The following IGFBP7 variants were observed in gnomAD, a reference collection of about 807,000 sequenced individuals.
IGFBP7 encodes insulin-like growth factor-binding protein 7.
IGFBP7 carries 31 observed loss-of-function variants against 29.4 expected under a neutral mutation model. The observed-to-expected ratio is 1.05, with a 90% CI of 0.79 to 1.42. IGFBP7 has a LOEUF of 1.42. Ranked by LOEUF, IGFBP7 falls within the 40% of genes most tolerant of loss-of-function variation. IGFBP7 has a pLI of 0.00. For missense variants in IGFBP7, 393 were observed against 395.5 expected, an observed-to-expected ratio of 0.99 and a Z score of 0.05; for synonymous variants, 172 against 174.9, an observed-to-expected ratio of 0.98 and a Z score of 0.13.
intron 1 of IGFBP7, among the ~76,000 whole-genome samples, chr4:57,050,156 G>A (rs765337607): frequency 6.6e-6 from 1 of 151,488 alleles, no homozygotes; most frequent in Non-Finnish European, 1.5e-5. Context: ...GGAAGAAAAT[G>A]ATTATCAATT....
At chr4:57,070,021 C>T (rs1055853278) in intron 1 of IGFBP7, among the ~76,000 whole-genome samples, 6 of 152,252 alleles carry the variant, frequency 3.9e-5, no homozygotes, top group African/African-American at 1.4e-4. Flanking sequence ...GCAGAGGTTG[C>T]AGTGAGCCGG....
chr4:57,064,135 T>C (rs1164980981), intron 1 of IGFBP7, among the ~76,000 whole-genome samples: 1 of 152,126 alleles, frequency 6.6e-6, no homozygotes, highest in Non-Finnish European at 1.5e-5. Context: ...GCCTAGGAGT[T>C]TCACAGCAGC....
chr4:57,106,717 G>A (rs1726038921), intron 1 of IGFBP7, among the ~76,000 whole-genome samples: 1 of 152,094 alleles, frequency 6.6e-6, no homozygotes, highest in South Asian at 2.1e-4. Flanking sequence ...GGCTGAAATG[G>A]GATTGCCAAA....
At chr4:57,109,167 G>A (rs1226791948) in intron 1 of IGFBP7, among the ~76,000 whole-genome samples, 1 of 152,136 alleles carries the variant, frequency 6.6e-6, no homozygotes, top group Non-Finnish European at 1.5e-5. Context: ...TGTGCACGGT[G>A]GTTTATGCCT....
chr4:57,039,358 G>C (rs1203703416), intron 2 of IGFBP7, among the ~76,000 whole-genome samples: 1 of 152,152 alleles, frequency 6.6e-6, no homozygotes, highest in Non-Finnish European at 1.5e-5. Context: ...AGAGAACAGA[G>C]TTGAGGCTAA....
intron 1 of IGFBP7, among the ~76,000 whole-genome samples, chr4:57,092,397 T>G (rs1448556403): frequency 6.6e-6 from 1 of 152,200 alleles, no homozygotes; most frequent in African/African-American, 2.4e-5. Flanking sequence ...TAATATTAGA[T>G]GCAAACTAGG....
intron 1 of IGFBP7, chr4:57,072,809 G>A: frequency 1.8e-6 from 1 of 560,794 alleles, no homozygotes; most frequent in Non-Finnish European, 3.5e-6. Flanking sequence ...AGCTGGCACA[G>A]CATATGAAGA....
At chr4:57,071,568 T>C (rs995790723) in intron 1 of IGFBP7, among the ~76,000 whole-genome samples, 7 of 152,228 alleles carry the variant, frequency 4.6e-5, no homozygotes, top group Non-Finnish European at 1.5e-5. Context: ...TTTCCCTGGG[T>C]GGTCACTGTG....
intron 1 of IGFBP7, among the ~76,000 whole-genome samples, chr4:57,059,236 T>C (rs11947115): frequency 0.27 from 40,815 of 152,080 alleles, 5,862 homozygotes; most frequent in Middle Eastern, 0.34. Flanking sequence ...GCAGCAATTC[T>C]ATTGCTGGAT....
At chr4:57,098,360 C>T (rs1725812217) in intron 1 of IGFBP7, among the ~76,000 whole-genome samples, 1 of 152,124 alleles carries the variant, frequency 6.6e-6, no homozygotes, top group South Asian at 2.1e-4. Context: ...ACAGGCCAGG[C>T]TGAATGGGTG....
chr4:57,109,587 G>A (rs1048812941), intron 1 of IGFBP7, among the ~76,000 whole-genome samples: 8 of 152,196 alleles, frequency 5.3e-5, no homozygotes, highest in Non-Finnish European at 5.9e-5. Context: ...TGGGCATGGG[G>A]AAGTCTGAGG....
At chr4:57,103,676 T>TTTTTG (rs1725955888) in intron 1 of IGFBP7, among the ~76,000 whole-genome samples, 1 of 144,864 alleles carries the variant, frequency 6.9e-6, no homozygotes, top group African/African-American at 2.5e-5. Context: ...TTTTTTTTTT[T>TTTTTG]GAGGCAGGGT....
chr4:57,054,579 CA>C (rs1427199395), intron 1 of IGFBP7, among the ~76,000 whole-genome samples: 4 of 146,328 alleles, frequency 2.7e-5, no homozygotes, highest in African/African-American at 1.0e-4. Context: ...GCGGAGGTTG[CA>C]GTGCACCAAG....
chr4:57,091,244 AT>A (rs1377272675), intron 1 of IGFBP7, among the ~76,000 whole-genome samples: 2 of 152,214 alleles, frequency 1.3e-5, no homozygotes, highest in Admixed American at 6.5e-5. Context: ...AATGCAGAGT[AT>A]TAACTATGCA....
intron 2 of IGFBP7, among the ~76,000 whole-genome samples, chr4:57,034,049 C>CAAAAA (rs35304758): frequency 0.013 from 1,272 of 96,216 alleles, 66 homozygotes; most frequent in African/African-American, 0.038. Context: ...GACTCCATCT[C>CAAAAA]AAAAAAAAAA....
intron 1 of IGFBP7, chr4:57,065,594 C>T (rs1277291): frequency 0.41 from 62,072 of 152,160 alleles, 14,400 homozygotes; most frequent in Admixed American, 0.55. Flanking sequence ...TCCGCAAAAA[C>T]GTGCAGTCTG....
At chr4:57,072,649 A>ACAAAGGT in intron 1 of IGFBP7, 1 of 296,330 alleles carries the variant, frequency 3.4e-6, no homozygotes. Context: ...GCTGCTGCCT[A>ACAAAGGT]GCCACCACCA....
chr4:57,091,623 G>C (rs895619351), intron 1 of IGFBP7, among the ~76,000 whole-genome samples: 1 of 152,228 alleles, frequency 6.6e-6, no homozygotes. Context: ...TGCTGTTACT[G>C]TTCCTATCTC....
intron 1 of IGFBP7, among the ~76,000 whole-genome samples, chr4:57,072,446 T>C (rs941532131): frequency 6.6e-6 from 1 of 152,152 alleles, no homozygotes; most frequent in Non-Finnish European, 1.5e-5. Context: ...GGCAGAAGGA[T>C]TGCTTGAGCC....
Sources: allele counts gnomAD v4.1 joint callset (sites outside exome capture counted in the v4.1 genomes callset), GRCh38; gene constraint gnomAD v4.1.1; transcripts MANE v1.5; gene names NCBI Gene and HGNC (gene_info 2026-07-23, HGNC 2026-07-21).